GGCT: variants seen among roughly 807,000 people sequenced by gnomAD.
GGCT encodes gamma-glutamylcyclotransferase, also known as cytochrome c-releasing factor 21.
In GGCT, 20 loss-of-function variants were observed where a neutral mutation model predicts 22.1. That is an observed-to-expected ratio of 0.91 (90% CI 0.64 to 1.32). The LOEUF is 1.32. Among genes scored for constraint, GGCT ranks in the 40% most tolerant of loss-of-function variants. The probability of loss-of-function intolerance (pLI) is 0.00; values close to 1 mark genes in which losing one functional copy is unlikely to be tolerated. For synonymous variants in GGCT, 72 were observed against 78.4 expected, an observed-to-expected ratio of 0.92 and a Z score of 0.43; for missense variants, 209 against 223.5, an observed-to-expected ratio of 0.94 and a Z score of 0.41.
At chr7:30,499,183 G>A (rs1162919067) in intron 2 of GGCT, 2 of 464,146 alleles carry the variant, frequency 4.3e-6, no homozygotes, top group Non-Finnish European at 7.9e-6. Context: ...AGGCTGAGGT[G>A]GATCACTTGA....
intron 1 of GGCT, among the ~76,000 whole-genome samples, chr7:30,502,358 C>A (rs1789724698): frequency 6.6e-6 from 1 of 152,034 alleles, no homozygotes; most frequent in Non-Finnish European, 1.5e-5. Context: ...GGTTGGACAC[C>A]CATGGTCTAG....
rs770517650 is a variant in GGCT at position 30,500,543 on chromosome 7, G to A, written c.280C>T (p.Leu94=). Residue 94 remains leucine, a synonymous_variant, in exon 2 of 4, where the codon CTG becomes TTG. Coordinates refer to ENST00000275428, the MANE Select transcript of GGCT (RefSeq NM_024051.4). ...TAATTAGAAGCCACCTACTCATCCA[G>A]AGAATTTAAATTGCTTTTGTTCATT... The part of the protein sequence containing the change: ...WKMNKSNLNS[L]DEQEGVKSGM... 6.2e-7 allele frequency: 1 copy of A among 1,612,406 alleles called. No homozygotes were observed. The highest frequency in any genetic ancestry group is 8.5e-7 in the Non-Finnish European group (1 of 1,178,798).
intron 2 of GGCT, 116 bp from the exon 3 acceptor site, chr7:30,499,054 T>C (rs1308981809): frequency 2.3e-6 from 2 of 865,888 alleles, no homozygotes; most frequent in Admixed American, 1.7e-5. Context: ...TAACTACATC[T>C]GAACATACTT....
rs1296541478 is a variant in GGCT at position 30,496,963 on chromosome 7, A to C, written c.*129T>G. ...TAGTCTAAAAACAAGGAATCACCCA[A>C]GTAAGATACTCCTTCAGAGCACTGC... On this transcript the variant is annotated 3_prime_UTR_variant, in exon 4 of 4. Coordinates refer to ENST00000275428, the MANE Select transcript of GGCT (RefSeq NM_024051.4). The C allele has an allele frequency of 7.3e-6, 4 of 550,746 alleles. No individual in the cohort carries two copies. Among genetic ancestry groups the C allele is most frequent in the Middle Eastern group, 4.9e-4 (1 of 2,024 alleles). 34.1% of individuals were successfully genotyped at this position (550,746 alleles called of 1,614,324 possible).
Position 30,497,119 on chromosome 7 carries a change from G to A in GGCT, c.540C>T (p.Ile180=), listed in dbSNP as rs201709515. The A allele has an allele frequency of 3.0e-5, 48 of 1,601,094 alleles. No homozygotes were observed. The Admixed American group carries it at 4.2e-4, about 14-fold the overall frequency. Reference sequence around the variant, plus strand: ...AAAGAGTTTGTGTTTCCCCCTTTTTGATGATGTCTTCAATTTCTTCTGAGA... The same window carrying A: ...AAAGAGTTTGTGTTTCCCCCTTTTTAATGATGTCTTCAATTTCTTCTGAGA... ...GKVSEEIEDI[I]KKGETQTL Residue 180 remains isoleucine, a synonymous_variant, in exon 4 of 4, where the codon ATC becomes ATT. Transcript: ENST00000275428.
chr7:30,499,617 C>T (rs1228078460), intron 2 of GGCT, among the ~76,000 whole-genome samples: 1 of 151,344 alleles, frequency 6.6e-6, no homozygotes, highest in Non-Finnish European at 1.5e-5. Context: ...GAGGCTGAGG[C>T]GGGAGAATCA....
At chr7:30,497,816 T>G in intron 3 of GGCT, 1 of 1,455,912 alleles carries the variant, frequency 6.9e-7, no homozygotes, top group Non-Finnish European at 9.2e-7. Context: ...AATTTTGGGG[T>G]CTCTATCCCA....
rs781305842 is a variant in GGCT, at chr7:30,498,885, G to C, written c.341C>G (p.Thr114Ser). 3 of 1,612,932 alleles carry C rather than the reference G, an allele frequency of 1.9e-6. No individual in the cohort carries two copies. Among genetic ancestry groups the C allele is most frequent in the South Asian group, 2.2e-5 (2 of 91,066 alleles). The change falls in exon 3 of 4, where the codon ACT becomes AGT. Residue 114 changes from threonine (T) to serine (S), a missense_variant. Thr to Ser is a moderately conservative substitution (Grantham distance 58). Coordinates refer to ENST00000275428, the MANE Select transcript of GGCT (RefSeq NM_024051.4). The stretch of plus-strand genomic sequence containing the variant: ...ACAGGTTATTTCTTTTCCTTCTTGA[G>C]TTGCAACTTTAACTTCTATTACAAC... ...MYVVIEVKVA[T>S]QEGKEITCRS...
chr7:30,501,756 A>C (rs1259984288), intron 1 of GGCT, among the ~76,000 whole-genome samples: 5 of 152,376 alleles, frequency 3.3e-5, no homozygotes, highest in African/African-American at 1.2e-4. Context: ...GTTGAACTAA[A>C]CGATAATTCT....
chr7:30,497,762 G>A lies in GGCT; in HGVS notation c.424-527C>T, dbSNP rs1422346608. On this transcript the variant is annotated intron_variant, in intron 3 of 3. Transcript: ENST00000275428. ...TTACCTATTACAGGTGCCATGACCT[G>A]ATTGGGCCTGCCAACAGAGAGCTAA... is the stretch of plus-strand genomic sequence containing the variant. The A allele has an allele frequency of 2.1e-6, 3 of 1,445,476 alleles. No individual in the cohort carries two copies. In the Admixed American group the frequency reaches 6.9e-5, roughly 33 times the overall value. The allele number at this position is 1,445,476 out of a possible 1,614,324, so 89.5% of individuals were successfully genotyped here. A position where few individuals can be genotyped will look rare whatever the true frequency, so the allele number is the denominator to read the frequency against.
chr7:30,499,426 G>A (rs375874481), intron 2 of GGCT, among the ~76,000 whole-genome samples: 23 of 151,190 alleles, frequency 1.5e-4, no homozygotes, highest in Non-Finnish European at 2.2e-4. Flanking sequence ...AAAAAAGGCC[G>A]GGTGCAGTGG....
chr7:30,504,215 G>A (rs2128124562), intron 1 of GGCT, among the ~76,000 whole-genome samples: 1 of 152,384 alleles, frequency 6.6e-6, no homozygotes, highest in East Asian at 1.9e-4. Flanking sequence ...GTTATGTACA[G>A]AACAGAAGGC....
rs758284260 is a variant in GGCT, at chr7:30,500,641, C to T, written c.182G>A (p.Ser61Asn). 1.9e-5 allele frequency: 31 copies of T among 1,613,730 alleles called. No homozygotes were observed. Among genetic ancestry groups the T allele is most frequent in the Admixed American group, 1.7e-4 (10 of 59,994 alleles). The stretch of plus-strand genomic sequence containing the variant: ...GGCTATCCCTCCATGCCAAGTTTGA[C>T]TTGTTTTGCCTTGGGAATTGCCAAA... ...LDFGNSQGKT[S>N]QTWHGGIATI... Residue 61 changes from serine (S) to asparagine (N), a missense_variant, in exon 2 of 4, where the codon AGT becomes AAT. Coordinates refer to ENST00000275428, the MANE Select transcript of GGCT (RefSeq NM_024051.4).
Position 30,504,642 on chromosome 7 carries a change from C to A in GGCT, c.68G>T (p.Gly23Val). ...DEESFLYFAY[G>V]SNLLTERIHL... ...GATCCTCTCTGTCAGCAGGTTGCTG[C>A]CGTAGGCAAAGTACAGAAAACTCTC... Residue 23 changes from glycine to valine, a missense_variant, in exon 1 of 4, where the codon GGC becomes GTC. Transcript: ENST00000275428. 1 of 1,614,108 alleles carries A rather than the reference C, an allele frequency of 6.2e-7. No homozygotes were observed. Among genetic ancestry groups the A allele is most frequent in the East Asian group, 2.2e-5 (1 of 44,878 alleles).
intron 2 of GGCT, 139 bp from the exon 3 acceptor site, chr7:30,499,077 T>C (rs1271088640): frequency 1.2e-6 from 1 of 811,960 alleles, no homozygotes; most frequent in Non-Finnish European, 2.2e-6. Flanking sequence ...TCCCTATGTA[T>C]TTGGGATAGA....
At chr7:30,498,730 A>G in intron 3 of GGCT, 73 bp downstream of exon 3, 1 of 1,383,496 alleles carries the variant, frequency 7.2e-7, no homozygotes, top group Non-Finnish European at 1.0e-6. Flanking sequence ...AAAGTCTTTT[A>G]AAAACAATAT....
At position 30,504,622 on chromosome 7, in the gene GGCT, T is replaced by C. The variant is rs1562744159; in HGVS notation, c.88A>G (p.Arg30Gly). The change falls in exon 1 of 4, where the codon AGG becomes GGG. Residue 30 changes from arginine to glycine, a missense_variant. Transcript: ENST00000275428. ...GCCGAGGGGTTTCGGAGGTGGATCC[T>C]CTCTGTCAGCAGGTTGCTGCCGTAG... ...FAYGSNLLTE[R>G]IHLRNPSAAF... 1.2e-6 allele frequency: 2 copies of C among 1,614,058 alleles called. No homozygotes were observed. The highest frequency in any genetic ancestry group is 1.1e-5 in the South Asian group (1 of 91,072).
intron 1 of GGCT, among the ~76,000 whole-genome samples, chr7:30,503,718 T>C (rs1789755562): frequency 6.6e-6 from 1 of 151,768 alleles, no homozygotes; most frequent in Non-Finnish European, 1.5e-5. Flanking sequence ...GTCCGTTTTG[T>C]CAGCTTTGTA....
intron 1 of GGCT, among the ~76,000 whole-genome samples, chr7:30,502,496 G>A (rs1789728376): frequency 6.6e-6 from 1 of 152,148 alleles, no homozygotes; most frequent in African/African-American, 2.4e-5. Context: ...GCTTAGAACA[G>A]GGCCTAGCAC....
Sources: allele counts gnomAD v4.1 joint callset (sites outside exome capture counted in the v4.1 genomes callset), GRCh38; gene constraint gnomAD v4.1.1; transcripts MANE v1.5; gene names NCBI Gene and HGNC (gene_info 2026-07-23, HGNC 2026-07-21).